Variants in GRIK4 observed in about 807,000 individuals in gnomAD.
The protein encoded by GRIK4 is glutamate ionotropic receptor kainate type subunit 4, also known as glutamate receptor ionotropic, kainate 4.
GRIK4 carries 40 observed loss-of-function variants against 104.9 expected under a neutral mutation model. That is an observed-to-expected ratio of 0.38 (90% CI 0.30 to 0.50). GRIK4 has a LOEUF of 0.50. Ranked by LOEUF, GRIK4 falls within the 20% of genes least tolerant of loss-of-function variation. The pLI, the probability that GRIK4 is intolerant of heterozygous loss-of-function variation, is 0.93. For synonymous variants in GRIK4, 485 were observed against 524.9 expected, an observed-to-expected ratio of 0.92 and a Z score of 1.04; for missense variants, 1,047 against 1,308.1, an observed-to-expected ratio of 0.80 and a Z score of 3.08.
At chr11:120,612,380 TG>T (rs1199627299) in intron 1 of GRIK4, among the ~76,000 whole-genome samples, 1 of 152,170 alleles carries the variant, frequency 6.6e-6, no homozygotes, top group African/African-American at 2.4e-5. Flanking sequence ...CTACATTCCG[TG>T]AGAGCAAGGA....
chr11:120,950,798 A>G (rs1223610110), intron 14 of GRIK4, among the ~76,000 whole-genome samples: 1 of 152,176 alleles, frequency 6.6e-6, no homozygotes, highest in East Asian at 1.9e-4. Flanking sequence ...GGGGACTTGG[A>G]TTCTGCTGCT....
intron 9 of GRIK4, chr11:120,871,896 G>A (rs1364716082): frequency 4.4e-6 from 2 of 456,176 alleles, no homozygotes; most frequent in Admixed American, 2.3e-5. Context: ...TTTGTTGACT[G>A]TTTTGCTCTG....
Position 120,962,690 on chromosome 11 carries a change from G to C in GRIK4, c.2266+9G>C. The C allele has an allele frequency of 6.3e-7, 1 of 1,584,908 alleles. No individual in the cohort carries two copies. Among genetic ancestry groups the C allele is most frequent in the Non-Finnish European group, 8.7e-7 (1 of 1,153,612 alleles). On this transcript the variant is annotated intron_variant, in intron 18 of 20. Coordinates refer to ENST00000527524, the MANE Select transcript of GRIK4 (RefSeq NM_014619.5). ...GATTGGCATGCCAGTCGGTATGCGG[G>C]AGAGGAACAGCCTCTTTGGGTAGCT...
intron 1 of GRIK4, among the ~76,000 whole-genome samples, chr11:120,615,490 G>A (rs1469535572): frequency 6.6e-6 from 1 of 152,204 alleles, no homozygotes; most frequent in Non-Finnish European, 1.5e-5. Context: ...GAATGTCGTA[G>A]CCCCTCACCC....
chr11:120,585,545 A>G (rs983288576), intron 1 of GRIK4, among the ~76,000 whole-genome samples: 1 of 151,998 alleles, frequency 6.6e-6, no homozygotes, highest in Admixed American at 6.6e-5. Context: ...CCTTTCGAAG[A>G]ACAGTAGTTA....
chr11:120,836,958 G>C (rs1953589364), intron 8 of GRIK4, 114 bp downstream of exon 8: 6 of 691,058 alleles, frequency 8.7e-6, no homozygotes, highest in Non-Finnish European at 1.5e-5. Flanking sequence ...TAGAAGCAGA[G>C]GAGCAGAAGC....
At chr11:120,951,496 A>T (rs1035787979) in intron 14 of GRIK4, among the ~76,000 whole-genome samples, 3 of 152,232 alleles carry the variant, frequency 2.0e-5, no homozygotes, top group Non-Finnish European at 4.4e-5. Flanking sequence ...TAGTGACAGT[A>T]GGTTGCGCCA....
intron 1 of GRIK4, among the ~76,000 whole-genome samples, chr11:120,625,605 A>G (rs1565579181): frequency 6.6e-6 from 1 of 150,900 alleles, no homozygotes; most frequent in Non-Finnish European, 1.5e-5. Flanking sequence ...TTCAGTGGGC[A>G]TAGCTCATCT....
At chr11:120,680,674 G>A (rs1231055624) in intron 3 of GRIK4, among the ~76,000 whole-genome samples, 1 of 152,206 alleles carries the variant, frequency 6.6e-6, no homozygotes, top group Non-Finnish European at 1.5e-5. Flanking sequence ...TCACTGGCTT[G>A]AAAATGGGGA....
chr11:120,807,968 G>C (rs1050576912), intron 4 of GRIK4, among the ~76,000 whole-genome samples: 1 of 152,220 alleles, frequency 6.6e-6, no homozygotes, highest in Non-Finnish European at 1.5e-5. Context: ...TCAGAACTAG[G>C]AGGTAGGCAG....
At chr11:120,900,980 C>T (rs966093685) in intron 12 of GRIK4, among the ~76,000 whole-genome samples, 2 of 152,172 alleles carry the variant, frequency 1.3e-5, no homozygotes, top group Admixed American at 6.5e-5. Flanking sequence ...TCTTCTTAGT[C>T]TCTAAAAATC....
chr11:120,660,247 C>A (rs921997242), intron 2 of GRIK4, 22 bp from the exon 3 acceptor site: 1 of 1,096,652 alleles, frequency 9.1e-7, no homozygotes, highest in African/African-American at 1.5e-5. Context: ...GACTCACGTG[C>A]CCCCAACCCC....
chr11:120,695,919 A>G (rs561425267), intron 3 of GRIK4, among the ~76,000 whole-genome samples: 25 of 152,324 alleles, frequency 1.6e-4, no homozygotes, highest in African/African-American at 5.8e-4. Context: ...CCCCTCACAC[A>G]GAGGCCTGCT....
chr11:120,797,454 G>T (rs914892759), intron 3 of GRIK4, among the ~76,000 whole-genome samples: 1 of 152,206 alleles, frequency 6.6e-6, no homozygotes, highest in African/African-American at 2.4e-5. Context: ...CCACTCCTGG[G>T]ACTACTGAAG....
chr11:120,811,406 C>T (rs151151141), intron 4 of GRIK4, among the ~76,000 whole-genome samples: 55 of 152,206 alleles, frequency 3.6e-4, no homozygotes, highest in African/African-American at 1.3e-3. Flanking sequence ...GTTAAGGGGC[C>T]GGTCTTTGGG....
chr11:120,575,069 G>A (rs1257176030), intron 1 of GRIK4, among the ~76,000 whole-genome samples: 1 of 152,214 alleles, frequency 6.6e-6, no homozygotes, highest in African/African-American at 2.4e-5. Flanking sequence ...TCTGGGAAGA[G>A]AAGAATGGGC....
rs1943660606 is a variant in GRIK4 at position 120,939,062 on chromosome 11, A to G, written c.1477-1285A>G. On this transcript the variant is annotated intron_variant, in intron 13 of 20. Transcript: ENST00000527524. This position sits in a 1 kb window ranked among gnomAD's most constrained non-coding sequence, Gnocchi z 5.6. ...TAAGGGAGCCTAGAGAAGTGAAGTGACTAGTCCAGGTTGGTTAGTTGGTTG... is the reference window on the plus strand; with the variant it reads ...TAAGGGAGCCTAGAGAAGTGAAGTGGCTAGTCCAGGTTGGTTAGTTGGTTG... Among the ~76,000 whole-genome samples the G allele has an allele frequency of 6.6e-6, 1 of 152,184 alleles. No homozygotes were observed.
chr11:120,652,823 G>A (rs1453841107), intron 1 of GRIK4, among the ~76,000 whole-genome samples: 1 of 152,128 alleles, frequency 6.6e-6, no homozygotes, highest in Non-Finnish European at 1.5e-5. Flanking sequence ...AGAGACCAGC[G>A]GAGGGACTGC....
intron 1 of GRIK4, among the ~76,000 whole-genome samples, chr11:120,647,359 G>A (rs1227006786): frequency 6.6e-6 from 1 of 152,156 alleles, no homozygotes; most frequent in Non-Finnish European, 1.5e-5. Flanking sequence ...GCCATCGGGC[G>A]CCCCTTGGTC....
Sources: allele counts gnomAD v4.1 joint callset (sites outside exome capture counted in the v4.1 genomes callset), GRCh38; gene constraint gnomAD v4.1.1; non-coding constraint Gnocchi (gnomAD v3.1); transcripts MANE v1.5; gene names NCBI Gene and HGNC (gene_info 2026-07-23, HGNC 2026-07-21).